Variants in LOC400499 observed in about 807,000 individuals in gnomAD.
chr16:11,381,601 C>T, the LOC400499 span, among the ~76,000 whole-genome samples: 23 of 152,310 alleles, frequency 1.5e-4, no homozygotes, highest in South Asian at 1.7e-3. Context: ...CCATAGACTA[C>T]GTAAATGAAC....
the LOC400499 span, chr16:11,493,496 G>A: frequency 2.6e-6 from 1 of 388,856 alleles, no homozygotes; most frequent in Non-Finnish European, 4.5e-6. Flanking sequence ...CTTAGACCTG[G>A]ATACCTGTTC....
chr16:11,450,918 G>A, the LOC400499 span: 4 of 1,091,004 alleles, frequency 3.7e-6, no homozygotes, highest in African/African-American at 1.6e-5. Flanking sequence ...AGCCGCAATG[G>A]ACAAATCTCA....
chr16:11,474,898 A>G, the LOC400499 span, among the ~76,000 whole-genome samples: 1 of 152,296 alleles, frequency 6.6e-6, no homozygotes, highest in South Asian at 2.1e-4. Flanking sequence ...CGGGATCCCA[A>G]TTCGCTATGC....
chr16:11,499,534 A>G, the LOC400499 span, among the ~76,000 whole-genome samples: 1 of 152,086 alleles, frequency 6.6e-6, no homozygotes, highest in South Asian at 2.1e-4. Flanking sequence ...TTGTCTGCTG[A>G]GCAGAGCCAA....
At chr16:11,378,666 T>A in the LOC400499 span, among the ~76,000 whole-genome samples, 1 of 152,260 alleles carries the variant, frequency 6.6e-6, no homozygotes, top group African/African-American at 2.4e-5. Context: ...AGATACTTTC[T>A]GATTTTTCCT....
the LOC400499 span, among the ~76,000 whole-genome samples, chr16:11,416,694 A>T: frequency 6.6e-6 from 1 of 152,132 alleles, no homozygotes; most frequent in South Asian, 2.1e-4. Context: ...GGGAGGTGGA[A>T]AAGAGAGGCC....
the LOC400499 span, among the ~76,000 whole-genome samples, chr16:11,384,661 C>T: frequency 6.6e-6 from 1 of 152,210 alleles, no homozygotes; most frequent in Non-Finnish European, 1.5e-5. Flanking sequence ...AGCCGCGTGT[C>T]CCACGGATGG....
the LOC400499 span, among the ~76,000 whole-genome samples, chr16:11,520,454 C>T: frequency 6.6e-6 from 1 of 152,078 alleles, no homozygotes; most frequent in Admixed American, 6.5e-5. Flanking sequence ...GTCAGGAGTT[C>T]AAGACCAGCT....
chr16:11,418,899 C>A, the LOC400499 span, among the ~76,000 whole-genome samples: 1 of 152,230 alleles, frequency 6.6e-6, no homozygotes, highest in Non-Finnish European at 1.5e-5. Flanking sequence ...GGTGCAGTGG[C>A]TCATGCCTGG....
At chr16:11,465,312 A>AGACAGGGTTTCACCATCTTGGCCAGG in the LOC400499 span, 1 of 152,220 alleles carries the variant, frequency 6.6e-6, no homozygotes, top group Non-Finnish European at 1.5e-5. Flanking sequence ...TTTTTAACAG[A>AGACAGGGTTTCACCATCTTGGCCAGG]GACAGGGTTT....
the LOC400499 span, among the ~76,000 whole-genome samples, chr16:11,499,699 T>A: frequency 6.6e-6 from 1 of 151,968 alleles, no homozygotes; most frequent in Admixed American, 6.5e-5. Flanking sequence ...AATGCAGGGG[T>A]CTCTGATGCC....
the LOC400499 span, among the ~76,000 whole-genome samples, chr16:11,373,469 G>A: frequency 6.6e-5 from 10 of 152,134 alleles, no homozygotes; most frequent in Non-Finnish European, 1.0e-4. Context: ...GAGTAGCTGG[G>A]ATTACATGCG....
the LOC400499 span, chr16:11,383,698 G>A: frequency 1.6e-6 from 2 of 1,232,530 alleles, no homozygotes; most frequent in South Asian, 4.1e-5. Context: ...GTGGATGTAG[G>A]CGGCCGCCAG....
the LOC400499 span, among the ~76,000 whole-genome samples, chr16:11,375,694 A>G: frequency 2.0e-5 from 3 of 147,150 alleles, no homozygotes; most frequent in Non-Finnish European, 4.5e-5. Context: ...CCATTTGCAT[A>G]TCTTATTTGG....
At chr16:11,435,776 T>C in the LOC400499 span, 1 of 399,586 alleles carries the variant, frequency 2.5e-6, no homozygotes, top group Non-Finnish European at 4.4e-6. Context: ...CCGAGTGTCC[T>C]GGCTGGCGTC....
At chr16:11,414,609 C>T in the LOC400499 span, 5 of 398,840 alleles carry the variant, frequency 1.3e-5, no homozygotes, top group Admixed American at 4.4e-5. Context: ...CTGTGGCCCT[C>T]AAACACAACA....
At chr16:11,385,382 C>A in the LOC400499 span, 1 of 1,232,292 alleles carries the variant, frequency 8.1e-7, no homozygotes, top group Non-Finnish European at 1.0e-6. Context: ...CGTCGAAGGT[C>A]ACCACGTGCT....
chr16:11,393,704 G>C, the LOC400499 span: 1 of 586,112 alleles, frequency 1.7e-6, no homozygotes, highest in African/African-American at 1.9e-5. Context: ...CAATGCCCAC[G>C]CCCGATCTCC....
the LOC400499 span, among the ~76,000 whole-genome samples, chr16:11,476,518 C>G: frequency 6.6e-6 from 1 of 152,084 alleles, no homozygotes; most frequent in African/African-American, 2.4e-5. Flanking sequence ...CACGGACACA[C>G]CCTCATGCAC....
Sources: gnomAD v4.1 joint callset for allele counts (sites outside exome capture counted in the v4.1 genomes callset) on GRCh38, gnomAD v4.1.1 for gene constraint, MANE v1.5 for transcripts.